Variants in RNF38 observed in about 807,000 individuals in gnomAD.
RNF38 encodes the protein ring finger protein 38.
A neutral mutation model predicts 67.2 loss-of-function variants in RNF38; 15 were observed. The observed-to-expected ratio is 0.22, with a 90% CI of 0.15 to 0.34. The LOEUF (loss-of-function observed/expected upper bound fraction) is 0.34. Ranked by LOEUF, RNF38 falls within the 10% of genes least tolerant of loss-of-function variation. RNF38 has a pLI of 1.00. For synonymous variants in RNF38, 220 were observed against 218.8 expected (o/e 1.01, Z -0.05); for missense variants, 524 against 639.9 (o/e 0.82, Z 1.95).
At chr9:36,360,121 TAA>T (rs1834416699) in intron 4 of RNF38, among the ~76,000 whole-genome samples, 1 of 151,706 alleles carries the variant, frequency 6.6e-6, no homozygotes, top group African/African-American at 2.4e-5. Flanking sequence ...AAGAAGAAAT[TAA>T]GTCTTCCTTC....
At chr9:36,356,239 AT>A in intron 6 of RNF38, 63 bp downstream of exon 6, 1 of 1,523,614 alleles carries the variant, frequency 6.6e-7, no homozygotes, top group South Asian at 1.2e-5. Context: ...TGGCCTAAAC[AT>A]TCTGAAAAAA....
chr9:36,367,802 G>C (rs1454071197), intron 4 of RNF38, among the ~76,000 whole-genome samples: 1 of 152,154 alleles, frequency 6.6e-6, no homozygotes, highest in Non-Finnish European at 1.5e-5. Context: ...CTATGATCTA[G>C]AATAGTTTAA....
rs61010680 is a variant in RNF38 at position 36,481,187 on chromosome 9, G to A, written n.241+6121C>T. On this transcript the variant is annotated intron_variant and non_coding_transcript_variant, in intron 1 of 3. Transcript: ENST00000488058. ...GTGCCACCACGCCCAGCTAATTTTT[G>A]TATTTTTAGTAGAGGCAGGGTTTCA... Among the ~76,000 whole-genome samples the A allele has an allele frequency of 6.2e-4, 94 of 151,836 alleles. No homozygotes were observed. The East Asian group carries it at 0.012, about 19-fold the overall frequency.
intron 2 of RNF38, among the ~76,000 whole-genome samples, chr9:36,415,706 G>C (rs76189427): frequency 6.6e-6 from 1 of 152,138 alleles, no homozygotes; most frequent in Non-Finnish European, 1.5e-5. Context: ...CATCTGCTCC[G>C]ATGGAGGTAG....
At chr9:36,372,696 CTT>C (rs1835478457) in intron 3 of RNF38, 1 of 502,432 alleles carries the variant, frequency 2.0e-6, no homozygotes, top group South Asian at 3.5e-5. Context: ...CTCTACTACT[CTT>C]TTGTCTTGCT....
intron 2 of RNF38, among the ~76,000 whole-genome samples, chr9:36,385,779 G>T (rs998901732): frequency 1.3e-5 from 2 of 152,118 alleles, no homozygotes; most frequent in Non-Finnish European, 2.9e-5. Flanking sequence ...AGCCAGCACT[G>T]GTCAACAGAA....
intron 1 of RNF38, among the ~76,000 whole-genome samples, chr9:36,443,559 A>G (rs1160306861): frequency 6.6e-6 from 1 of 152,236 alleles, no homozygotes; most frequent in Non-Finnish European, 1.5e-5. Context: ...ACAAAATGAC[A>G]ATTAGGAATC....
intron 1 of RNF38, among the ~76,000 whole-genome samples, chr9:36,432,137 T>C (rs1180986509): frequency 2.8e-5 from 4 of 144,454 alleles, no homozygotes; most frequent in African/African-American, 7.3e-5. Context: ...TATTAAGTTT[T>C]TTTTGTTTTT....
intron 1 of RNF38, among the ~76,000 whole-genome samples, chr9:36,393,477 T>TTGTGTGTGTGTG (rs58913703): frequency 0.019 from 1,682 of 87,658 alleles, 19 homozygotes; most frequent in Non-Finnish European, 0.028. Flanking sequence ...CACACACACA[T>TTGTGTGTGTGTG]TGTGTGTGTG....
At chr9:36,342,747 A>G (rs1056419003) in intron 10 of RNF38, among the ~76,000 whole-genome samples, 1 of 152,186 alleles carries the variant, frequency 6.6e-6, no homozygotes, top group African/African-American at 2.4e-5. Context: ...TACCATATAT[A>G]AAAACTGACT....
intron 1 of RNF38, among the ~76,000 whole-genome samples, chr9:36,462,436 C>A (rs1839755329): frequency 6.6e-6 from 1 of 152,016 alleles, no homozygotes; most frequent in South Asian, 2.1e-4. Context: ...GGAAGTCATA[C>A]CATATATCAC....
intron 4 of RNF38, among the ~76,000 whole-genome samples, chr9:36,367,324 A>G (rs1835049072): frequency 6.6e-6 from 1 of 152,212 alleles, no homozygotes; most frequent in Non-Finnish European, 1.5e-5. Flanking sequence ...AATGCTATCA[A>G]TAAGCCTTCC....
At chr9:36,424,969 G>A (rs1046402619) in intron 1 of RNF38, among the ~76,000 whole-genome samples, 8 of 152,132 alleles carry the variant, frequency 5.3e-5, no homozygotes, top group South Asian at 2.1e-4. Context: ...TGCTTTCAAA[G>A]TAAGATTACC....
intron 4 of RNF38, among the ~76,000 whole-genome samples, chr9:36,368,050 A>G (rs566388455): frequency 6.6e-6 from 1 of 152,180 alleles, no homozygotes; most frequent in East Asian, 1.9e-4. Context: ...ACGGGGTTTC[A>G]CCATGTTGGC....
intron 1 of RNF38, among the ~76,000 whole-genome samples, chr9:36,427,376 C>T (rs1196243088): frequency 6.6e-6 from 1 of 152,200 alleles, no homozygotes; most frequent in African/African-American, 2.4e-5. Context: ...ATGACCTCTT[C>T]CTCCTTTCTC....
At chr9:36,349,207 T>C (rs2133441080) in intron 9 of RNF38, among the ~76,000 whole-genome samples, 1 of 152,360 alleles carries the variant, frequency 6.6e-6, no homozygotes, top group African/African-American at 2.4e-5. Context: ...TACAAAGAGA[T>C]GAATCTGGTT....
At chr9:36,459,499 A>G (rs1481948216) in intron 1 of RNF38, among the ~76,000 whole-genome samples, 3 of 152,218 alleles carry the variant, frequency 2.0e-5, no homozygotes. Context: ...TTGTATTTAG[A>G]GAATAAATCC....
At chr9:36,359,199 TGTAATGAAAATATTTTCCTAGTCTATG>T (rs1221918495) in intron 4 of RNF38, among the ~76,000 whole-genome samples, 12 of 152,100 alleles carry the variant, frequency 7.9e-5, no homozygotes, top group Admixed American at 7.9e-4. Context: ...GCTTGTTGTG[TGTAATGAAAATATTTTCCTAGTCTATG>T]TTTTATCTTT....
chr9:36,422,450 G>GA, intron 2 of RNF38, among the ~76,000 whole-genome samples: 1 of 151,920 alleles, frequency 6.6e-6, no homozygotes, highest in East Asian at 1.9e-4. Context: ...AAACAGGAGA[G>GA]AAAGAAAGGC....
Sources: allele counts gnomAD v4.1 joint callset (sites outside exome capture counted in the v4.1 genomes callset), GRCh38; gene constraint gnomAD v4.1.1; transcripts MANE v1.5; gene names NCBI Gene and HGNC (gene_info 2026-07-23, HGNC 2026-07-21).